The following CDH23 variants were observed in gnomAD, a reference collection of about 807,000 sequenced individuals.
CDH23 encodes the protein cadherin related 23.
CDH23 carries 189 observed loss-of-function variants against 317.1 expected under a neutral mutation model. The observed-to-expected ratio is 0.60, with a 90% CI of 0.53 to 0.67. The LOEUF (loss-of-function observed/expected upper bound fraction) is 0.67, where lower values mean the gene tolerates loss of function less well. Among genes scored for constraint, CDH23 ranks in the 30% least tolerant of loss-of-function variants. CDH23 has a pLI of 0.00. For synonymous variants in CDH23, 1,839 were observed against 1,876.8 expected (o/e 0.98, Z 0.52); for missense variants, 4,401 against 4,592.4 (o/e 0.96, Z 1.20).
chr10:71,801,484 G>A (rs1350036772), intron 53 of CDH23, among the ~76,000 whole-genome samples: 2 of 151,794 alleles, frequency 1.3e-5, no homozygotes, highest in South Asian at 4.2e-4. Flanking sequence ...TACTAATGAG[G>A]GCTCCAAGTC....
At chr10:71,567,120 G>A (rs1035876017) in intron 7 of CDH23, among the ~76,000 whole-genome samples, 184 bp downstream of exon 7, 2 of 152,168 alleles carry the variant, frequency 1.3e-5, no homozygotes, top group Non-Finnish European at 2.9e-5. Flanking sequence ...CTGTGTCCCT[G>A]GCACCGTGCT....
chr10:71,601,473 T>A (rs1860213350), intron 9 of CDH23, among the ~76,000 whole-genome samples: 2 of 152,232 alleles, frequency 1.3e-5, no homozygotes, highest in Admixed American at 6.5e-5. Context: ...GTAGATAACT[T>A]GCCCACGGTC....
intron 28 of CDH23, chr10:71,716,183 C>T (rs995106638): frequency 2.6e-6 from 4 of 1,551,102 alleles, no homozygotes; most frequent in African/African-American, 2.7e-5. Context: ...GAACAGCAGA[C>T]AGGTGGCCAG....
At position 71,740,864 on chromosome 10, in the gene CDH23, C is replaced by G. The variant is rs776890902; in HGVS notation, c.4531C>G (p.His1511Asp). 16 of 1,613,792 alleles carry G rather than the reference C, an allele frequency of 9.9e-6. 1 individual carries two copies. The South Asian group carries it at 1.6e-4, about 17-fold the overall frequency. ...AGGCACCCCTCCACGGAAGAAGGAC[C>G]ACATCCTGCAGGTGACCATCCTGGA... ...DRGTPPRKKD[H>D]ILQVTILDIN... Residue 1511 changes from histidine to aspartate, a missense_variant, in exon 37 of 70, where the codon CAC becomes GAC. By Grantham distance (81) the His-to-Asp change is moderately conservative. This residue lies in a region of CDH23 where 3,068 missense variants were observed against 3,203.3 expected (regional missense o/e 0.96). Transcript: ENST00000224721.
chr10:71,752,274 C>A (rs973679120), intron 38 of CDH23, among the ~76,000 whole-genome samples: 1 of 152,246 alleles, frequency 6.6e-6, no homozygotes, highest in African/African-American at 2.4e-5. Flanking sequence ...GGGTTCTCTT[C>A]TCTTCCCAGT....
intron 9 of CDH23, among the ~76,000 whole-genome samples, chr10:71,585,060 A>G: frequency 6.6e-6 from 1 of 152,184 alleles, no homozygotes; most frequent in East Asian, 1.9e-4. Context: ...TTGGAGCAGG[A>G]AGCACTGGAA....
rs144996907 is a variant in CDH23 at position 71,509,459 on chromosome 10, T to C, written c.146-623T>C. The stretch of plus-strand genomic sequence containing the variant: ...AAGCCATCAGGAATCTGTCTCTCCA[T>C]ACATCATTTGCCTCTGTTTTCCTTT... On this transcript the variant is annotated intron_variant, in intron 3 of 69. Coordinates refer to ENST00000224721, the MANE Select transcript of CDH23 (RefSeq NM_022124.6). Among the ~76,000 whole-genome samples, 34 of 152,316 alleles carry C rather than the reference T, an allele frequency of 2.2e-4. No homozygotes were observed. In the East Asian group the frequency reaches 5.0e-3, roughly 22 times the overall value.
At chr10:71,637,746 C>T (rs551555590) in intron 11 of CDH23, among the ~76,000 whole-genome samples, 1 of 152,134 alleles carries the variant, frequency 6.6e-6, no homozygotes, top group Non-Finnish European at 1.5e-5. Context: ...CCCGATCCAG[C>T]TTGGGCTGAG....
intron 40 of CDH23, among the ~76,000 whole-genome samples, chr10:71,778,956 G>A (rs925021145): frequency 3.9e-5 from 6 of 152,084 alleles, no homozygotes; most frequent in African/African-American, 1.4e-4. Flanking sequence ...GTAGAGGTGG[G>A]GTCTTGCTAT....
intron 6 of CDH23, among the ~76,000 whole-genome samples, chr10:71,523,715 A>G (rs989019907): frequency 1.3e-5 from 2 of 152,202 alleles, no homozygotes; most frequent in East Asian, 3.8e-4. Flanking sequence ...AGGCTCATTC[A>G]TGTATTCTCC....
chr10:71,740,388 G>T (rs1589389182), intron 36 of CDH23, among the ~76,000 whole-genome samples: 2 of 152,284 alleles, frequency 1.3e-5, no homozygotes, highest in South Asian at 4.1e-4. Context: ...ATTACTTGAG[G>T]CTCTTTTCCC....
intron 38 of CDH23, chr10:71,750,640 G>C (rs560714686): frequency 6.6e-6 from 1 of 152,452 alleles, no homozygotes; most frequent in African/African-American, 2.4e-5. Flanking sequence ...TGGAATGCAG[G>C]CAGTGGAAGC....
chr10:71,605,324 G>C (rs1860468866), intron 9 of CDH23, among the ~76,000 whole-genome samples: 1 of 152,026 alleles, frequency 6.6e-6, no homozygotes, highest in South Asian at 2.1e-4. Context: ...CTGGAGCAAT[G>C]GTTCTTCATT....
At chr10:71,652,556 C>T (rs1027076705) in intron 14 of CDH23, among the ~76,000 whole-genome samples, 3 of 152,208 alleles carry the variant, frequency 2.0e-5, no homozygotes, top group South Asian at 4.1e-4. Flanking sequence ...CCAGCTCTGC[C>T]GCAGTGGACC....
chr10:71,423,475 C>T (rs1346785491), intron 1 of CDH23, among the ~76,000 whole-genome samples: 1 of 152,212 alleles, frequency 6.6e-6, no homozygotes, highest in African/African-American at 2.4e-5. Flanking sequence ...TAGGAAGGTG[C>T]TCCTTGGCTG....
chr10:71,640,743 G>A (rs937381797), intron 11 of CDH23, among the ~76,000 whole-genome samples: 1 of 152,076 alleles, frequency 6.6e-6, no homozygotes, highest in Non-Finnish European at 1.5e-5. Flanking sequence ...GACCAAGCAA[G>A]ACTCTGTCTG....
At chr10:71,405,103 T>G (rs1452442822) in intron 1 of CDH23, among the ~76,000 whole-genome samples, 1 of 152,216 alleles carries the variant, frequency 6.6e-6, no homozygotes. Context: ...TTTCCCTGGC[T>G]TCGGGTTAGT....
chr10:71,715,918 A>G, intron 28 of CDH23: 1 of 1,447,468 alleles, frequency 6.9e-7, no homozygotes, highest in Non-Finnish European at 9.1e-7. Context: ...ATGTGGGGGC[A>G]TGTTTGTGGA....
At chr10:71,497,968 G>T (rs1458024709) in intron 3 of CDH23, among the ~76,000 whole-genome samples, 1 of 152,168 alleles carries the variant, frequency 6.6e-6, no homozygotes, top group Non-Finnish European at 1.5e-5. Context: ...GACCTCAGAT[G>T]CAACCTCACA....
Sources: allele counts gnomAD v4.1 joint callset (sites outside exome capture counted in the v4.1 genomes callset), GRCh38; gene constraint gnomAD v4.1.1; regional missense constraint gnomAD v4.1.1; transcripts MANE v1.5; gene names NCBI Gene and HGNC (gene_info 2026-07-23, HGNC 2026-07-21).